The following DROSHA variants were observed in gnomAD, a reference collection of about 807,000 sequenced individuals.
The protein encoded by DROSHA is ribonuclease 3.
In DROSHA, 56 loss-of-function variants were observed where a neutral mutation model predicts 181.9. That is an observed-to-expected ratio of 0.31 (90% CI 0.25 to 0.38). The LOEUF (loss-of-function observed/expected upper bound fraction) is 0.38. DROSHA is among the 10% of genes least tolerant of loss of function. The pLI, the probability that DROSHA is intolerant of heterozygous loss-of-function variation, is 1.00. For missense variants in DROSHA, 1,218 were observed against 1,743.5 expected (o/e 0.70, Z 5.37); for synonymous variants, 524 against 591.2 (o/e 0.89, Z 1.65).
At chr5:31,525,503 C>CAAAAAAAAAAAAAAAAA (rs397970711) in intron 5 of DROSHA, among the ~76,000 whole-genome samples, 1 of 36,156 alleles carries the variant, frequency 2.8e-5, no homozygotes, top group Non-Finnish European at 5.4e-5. Context: ...GATTCTGTCA[C>CAAAAAAAAAAAAAAAAA]AAAAAAAAAA....
Position 31,409,468 on chromosome 5 carries a change from T to C in DROSHA, c.3668-136A>G, listed in dbSNP as rs1159194590. 1 of 702,388 alleles carries C rather than the reference T, an allele frequency of 1.4e-6. No homozygotes were observed. 43.5% of individuals were successfully genotyped at this position (702,388 alleles called of 1,614,324 possible). ...CCCTCTTTATTTTTCAGTGCTACCA[T>C]TTCATCTTCCCCCACTTTTTATCAT... On this transcript the variant is annotated intron_variant, in intron 31 of 35. Coordinates refer to ENST00000344624, the MANE Select transcript of DROSHA (RefSeq NM_001382508.1). The surrounding 1 kb of genome is among the most constrained non-coding windows in gnomAD (Gnocchi z 4.0).
intron 30 of DROSHA, among the ~76,000 whole-genome samples, chr5:31,416,454 C>T (rs576025143): frequency 2.6e-5 from 4 of 152,246 alleles, no homozygotes; most frequent in East Asian, 1.9e-4. Context: ...CAAAAACATG[C>T]TCTCAAAGAA....
intron 12 of DROSHA, among the ~76,000 whole-genome samples, chr5:31,494,911 T>A (rs568975575): frequency 3.9e-5 from 6 of 152,250 alleles, no homozygotes; most frequent in African/African-American, 1.2e-4. Context: ...CCTGACCTTG[T>A]GATCTGCCCA....
chr5:31,406,867 A>G lies in DROSHA; in HGVS notation c.3933T>C (p.Cys1311=), dbSNP rs780072424. 1.2e-6 allele frequency: 2 copies of G among 1,613,608 alleles called. No individual in the cohort carries two copies. Among genetic ancestry groups the G allele is most frequent in the African/African-American group, 2.7e-5 (2 of 74,906 alleles). ...AVYFKGERIG[C]GKGPSIQQAE... Reference sequence around the variant, plus strand: ...TCTTCTCATACCTTGGTCCTTTCCCACAGCCTATTCTTTCTCCCTTGAAAT... The same window carrying G: ...TCTTCTCATACCTTGGTCCTTTCCCGCAGCCTATTCTTTCTCCCTTGAAAT... Residue 1311 remains cysteine (C), a synonymous_variant, in exon 34 of 36, where the codon TGT becomes TGC. Coordinates refer to ENST00000344624, the MANE Select transcript of DROSHA (RefSeq NM_001382508.1).
intron 4 of DROSHA, among the ~76,000 whole-genome samples, chr5:31,528,128 G>A (rs370452209): frequency 1.2e-4 from 19 of 152,062 alleles, no homozygotes; most frequent in East Asian, 9.7e-4. Flanking sequence ...GCCTTTAACC[G>A]TCTGGTATTC....
intron 30 of DROSHA, among the ~76,000 whole-genome samples, chr5:31,420,997 G>A (rs958222586): frequency 6.6e-6 from 1 of 152,150 alleles, no homozygotes. Context: ...TAAGCTCCTT[G>A]TAAACAGACT....
intron 13 of DROSHA, among the ~76,000 whole-genome samples, chr5:31,490,229 G>A (rs1023890272): frequency 6.1e-5 from 9 of 146,604 alleles, no homozygotes; most frequent in Non-Finnish European, 7.4e-5. Context: ...TGTCAACCAA[G>A]CTGGAGTTCA....
rs766766578 is a variant in DROSHA at position 31,464,363 on chromosome 5, G to C, written c.2467-20C>G. 1.2e-6 allele frequency: 2 copies of C among 1,605,450 alleles called. No homozygotes were observed. The highest frequency in any genetic ancestry group is 2.7e-5 in the African/African-American group (2 of 74,618). On this transcript the variant is annotated intron_variant, in intron 19 of 35. Coordinates refer to ENST00000344624, the MANE Select transcript of DROSHA (RefSeq NM_001382508.1). ...GGCTTCCTAGAAAAGAATTCATTAT[G>C]ATGAGTAACACAACTGCTATAAAGC...
intron 30 of DROSHA, among the ~76,000 whole-genome samples, chr5:31,414,985 T>C (rs902290213): frequency 4.6e-5 from 7 of 152,226 alleles, no homozygotes. Flanking sequence ...CCTGGTGCAA[T>C]GTCAGAGACC....
intron 27 of DROSHA, among the ~76,000 whole-genome samples, chr5:31,425,711 C>T (rs1168295505): frequency 6.6e-6 from 1 of 152,172 alleles, no homozygotes; most frequent in Non-Finnish European, 1.5e-5. Flanking sequence ...CCATATGGAA[C>T]ATGATCAAAT....
intron 13 of DROSHA, among the ~76,000 whole-genome samples, chr5:31,489,657 T>C (rs1477000966): frequency 1.0e-5 from 1 of 99,320 alleles, no homozygotes; most frequent in Non-Finnish European, 2.1e-5. Context: ...CTTATACTCC[T>C]ATCTCACCCT....
chr5:31,496,688 C>T (rs1440649599), intron 11 of DROSHA, among the ~76,000 whole-genome samples: 2 of 152,238 alleles, frequency 1.3e-5, no homozygotes, highest in Non-Finnish European at 2.9e-5. Flanking sequence ...TCTATGCCCA[C>T]AGCCCCATCA....
Position 31,511,072 on chromosome 5 carries a change from C to G in DROSHA, c.1395G>C (p.Pro465=). The G allele has an allele frequency of 6.2e-7, 1 of 1,613,960 alleles. No individual in the cohort carries two copies. The highest frequency in any genetic ancestry group is 8.5e-7 in the Non-Finnish European group (1 of 1,179,886). Residue 465 remains proline, a synonymous_variant, in exon 9 of 36, where the codon CCG becomes CCC. Coordinates refer to ENST00000344624, the MANE Select transcript of DROSHA (RefSeq NM_001382508.1). ...CGAGCTTCGTCTTTGGAGGTTCCCA[C>G]GGAGGCCGAGCAGCTTTGGCCTTTT... is the stretch of plus-strand genomic sequence containing the variant. The part of the protein sequence containing the change: ...RQEKAKAARP[P]WEPPKTKLDE...
chr5:31,500,610 G>C (rs2150047814), intron 11 of DROSHA, among the ~76,000 whole-genome samples: 1 of 152,320 alleles, frequency 6.6e-6, no homozygotes, highest in African/African-American at 2.4e-5. Context: ...AAGCCCCAGA[G>C]GACACACCAA....
intron 7 of DROSHA, 114 bp downstream of exon 7, chr5:31,515,340 G>A (rs1739157376): frequency 1.7e-6 from 2 of 1,167,024 alleles, no homozygotes; most frequent in African/African-American, 3.1e-5. Flanking sequence ...AAATCACCGT[G>A]TGTACTTTTG....
In DROSHA at chr5:31,480,265, A is replaced by G. The variant is rs149062432; in HGVS notation, c.2071+3289T>C. Among the ~76,000 whole-genome samples the G allele has an allele frequency of 2.8e-4, 41 of 145,974 alleles. No homozygotes were observed. In the East Asian group the frequency reaches 4.0e-3, roughly 14 times the overall value. Reference sequence around the variant, plus strand: ...GTTTATTTTAATTTAGTCATCCCATATAATACTATATAGTAGTGAGAATGA... The same window carrying G: ...GTTTATTTTAATTTAGTCATCCCATGTAATACTATATAGTAGTGAGAATGA... On this transcript the variant is annotated intron_variant, in intron 16 of 35. Transcript: ENST00000344624.
At chr5:31,441,818 C>T (rs1306958135) in intron 23 of DROSHA, among the ~76,000 whole-genome samples, 2 of 152,112 alleles carry the variant, frequency 1.3e-5, no homozygotes, top group Non-Finnish European at 2.9e-5. Context: ...AATAAAAATG[C>T]ATTTTCTGTG....
chr5:31,445,113 A>G (rs150566229), intron 23 of DROSHA, among the ~76,000 whole-genome samples: 53 of 152,310 alleles, frequency 3.5e-4, no homozygotes, highest in African/African-American at 1.2e-3. Context: ...CCAGAATGAT[A>G]AGCATAGCTA....
At position 31,526,423 on chromosome 5, in the gene DROSHA, C is replaced by T. The variant is rs560187371; in HGVS notation, c.510G>A (p.Pro170=). 54 of 1,607,374 alleles carry T rather than the reference C, an allele frequency of 3.4e-5. 1 individual carries two copies. In the South Asian group the frequency reaches 4.7e-4, roughly 14 times the overall value. The change falls in exon 5 of 36, where the codon CCG becomes CCA. Residue 170 remains proline, a synonymous_variant. Transcript: ENST00000344624. Reference sequence around the variant, plus strand: ...GTGGGAAGTTGTGGTGAGAATAGCCCGGAGGGTACTGATAATTAACCTGCT... The same window carrying T: ...GTGGGAAGTTGTGGTGAGAATAGCCTGGAGGGTACTGATAATTAACCTGCT... The part of the protein sequence containing the change: ...MPQQVNYQYP[P]GYSHHNFPPP...
Sources: gnomAD v4.1 joint callset for allele counts (sites outside exome capture counted in the v4.1 genomes callset) on GRCh38, gnomAD v4.1.1 for gene constraint, Gnocchi (gnomAD v3.1) non-coding constraint, MANE v1.5 for transcripts, NCBI Gene and HGNC (gene_info 2026-07-23, HGNC 2026-07-21) for gene names.